NKAIN2: variants seen among roughly 807,000 people sequenced by gnomAD.
NKAIN2 encodes sodium/potassium transporting ATPase interacting 2.
A neutral mutation model predicts 32.6 loss-of-function variants in NKAIN2; 14 were observed. That is an observed-to-expected ratio of 0.43 (90% CI 0.28 to 0.67). The LOEUF (loss-of-function observed/expected upper bound fraction) is 0.67, where lower values mean the gene tolerates loss of function less well. Among genes scored for constraint, NKAIN2 ranks in the 30% least tolerant of loss-of-function variants. NKAIN2 has a pLI of 0.17. For missense variants in NKAIN2, 198 were observed against 258.3 expected (o/e 0.77, Z 1.60); for synonymous variants, 80 against 87.2 (o/e 0.92, Z 0.46).
intron 4 of NKAIN2, among the ~76,000 whole-genome samples, chr6:124,713,251 A>G (rs1304835160): frequency 1.3e-5 from 2 of 152,186 alleles, no homozygotes. Flanking sequence ...GGTCATAGCT[A>G]TCAAGTAGAG....
intron 1 of NKAIN2, among the ~76,000 whole-genome samples, chr6:123,895,771 A>C (rs2114392862): frequency 6.6e-6 from 1 of 152,336 alleles, no homozygotes; most frequent in East Asian, 1.9e-4. Context: ...TCCAGACTTC[A>C]TTTATAAAAG....
chr6:124,664,803 A>G (rs1772699345), intron 4 of NKAIN2, among the ~76,000 whole-genome samples: 1 of 139,126 alleles, frequency 7.2e-6, no homozygotes, highest in Non-Finnish European at 1.6e-5. Context: ...CAAAAAAAAA[A>G]AAAAAAAAAA....
chr6:124,659,427 CTA>C lies in NKAIN2; in HGVS notation c.474+1043_474+1044del, dbSNP rs1183281219. Among the ~76,000 whole-genome samples the C allele has an allele frequency of 2.2e-4, 33 of 151,268 alleles. 1 individual carries two copies. Among genetic ancestry groups the C allele is most frequent in the East Asian group, 1.8e-3 (9 of 5,142 alleles). ...ATTCTTCTGGAATTAAAAAAAAAAA[CTA>C]TGTGAGTGTGTCAGTGTTAGATGAT... On this transcript the variant is annotated intron_variant, in intron 4 of 6. Coordinates refer to ENST00000368417, the MANE Select transcript of NKAIN2 (RefSeq NM_001040214.3).
intron 3 of NKAIN2, among the ~76,000 whole-genome samples, chr6:124,380,558 G>A (rs1686650391): frequency 6.6e-6 from 1 of 152,124 alleles, no homozygotes. Context: ...GAAAAGCAAG[G>A]GCTGGAAGAA....
chr6:124,615,161 C>T (rs1186134818), intron 3 of NKAIN2, among the ~76,000 whole-genome samples: 1 of 152,146 alleles, frequency 6.6e-6, no homozygotes, highest in South Asian at 2.1e-4. Flanking sequence ...TCACATAAAA[C>T]GTTATCTTAC....
At chr6:124,751,819 T>TAAAG (rs1216949236) in intron 4 of NKAIN2, among the ~76,000 whole-genome samples, 3 of 147,756 alleles carry the variant, frequency 2.0e-5, no homozygotes, top group Non-Finnish European at 3.0e-5. Flanking sequence ...TCTCAATAAA[T>TAAAG]AAATAAATAA....
chr6:124,531,609 T>C (rs1310017890), intron 3 of NKAIN2, among the ~76,000 whole-genome samples: 1 of 152,198 alleles, frequency 6.6e-6, no homozygotes, highest in African/African-American at 2.4e-5. Context: ...CTGGAAGAAT[T>C]TGAGCTCACT....
intron 3 of NKAIN2, among the ~76,000 whole-genome samples, chr6:124,408,018 T>C (rs1195818139): frequency 2.0e-5 from 3 of 152,112 alleles, no homozygotes; most frequent in African/African-American, 7.2e-5. Flanking sequence ...CTGTTCATAT[T>C]ATTTGCCCAC....
At chr6:124,644,869 T>G (rs1784113750) in intron 3 of NKAIN2, among the ~76,000 whole-genome samples, 1 of 152,222 alleles carries the variant, frequency 6.6e-6, no homozygotes, top group Admixed American at 6.5e-5. Flanking sequence ...AAAAGGGGAC[T>G]TCAAGAAAAC....
intron 1 of NKAIN2, among the ~76,000 whole-genome samples, chr6:124,232,194 A>G (rs569942117): frequency 3.3e-5 from 5 of 152,242 alleles, no homozygotes; most frequent in African/African-American, 1.2e-4. Flanking sequence ...CTTTCTTGTG[A>G]CCCAGCTCAT....
At chr6:124,158,485 G>A (rs546606233) in intron 1 of NKAIN2, among the ~76,000 whole-genome samples, 8 of 152,272 alleles carry the variant, frequency 5.3e-5, no homozygotes, top group African/African-American at 1.9e-4. Flanking sequence ...AGAAAATTGT[G>A]TGGAATCAGA....
In NKAIN2 at chr6:124,706,385, AG is replaced by A. The variant is rs375569344; in HGVS notation, c.474+48002del. On this transcript the variant is annotated intron_variant, in intron 4 of 6. Transcript: ENST00000368417. ...TTCAAATCCAAGCCTATCTGATTAAAGGGCTCTTCATTGCTGTTATTATATA... is the reference window on the plus strand; with the variant it reads ...TTCAAATCCAAGCCTATCTGATTAAAGGCTCTTCATTGCTGTTATTATATA... 3.9e-3 allele frequency among the ~76,000 whole-genome samples: 591 copies of A among 152,272 alleles called. 3 individuals are homozygous for A. The highest frequency in any genetic ancestry group is 0.014 in the African/African-American group (563 of 41,564).
chr6:124,808,915 T>C (rs1202833112), intron 5 of NKAIN2, among the ~76,000 whole-genome samples: 5 of 152,056 alleles, frequency 3.3e-5, no homozygotes, highest in Non-Finnish European at 7.4e-5. Context: ...CCTGGGAATC[T>C]ACCTTACAAG....
chr6:123,892,098 TG>T (rs1489417757), intron 1 of NKAIN2, among the ~76,000 whole-genome samples: 1 of 152,028 alleles, frequency 6.6e-6, no homozygotes, highest in African/African-American at 2.4e-5. Flanking sequence ...AAAGAAAAAA[TG>T]GGGAGGTCCT....
At position 123,888,514 on chromosome 6, in the gene NKAIN2, A is replaced by G. The variant is rs147873095; in HGVS notation, c.54+84260A>G. ...ATAATGCTTAAGTTTGGTGTCTTAT[A>G]AATCAGCCTCTGTTAATATTGTATT... On this transcript the variant is annotated intron_variant, in intron 1 of 6. Coordinates refer to ENST00000368417, the MANE Select transcript of NKAIN2 (RefSeq NM_001040214.3). 8.9e-4 allele frequency among the ~76,000 whole-genome samples: 136 copies of G among 152,294 alleles called. 1 individual carries two copies. The highest frequency in any genetic ancestry group is 3.4e-3 in the Middle Eastern group (1 of 294).
intron 1 of NKAIN2, among the ~76,000 whole-genome samples, chr6:123,895,465 A>T (rs1774235397): frequency 6.6e-6 from 1 of 152,206 alleles, no homozygotes; most frequent in South Asian, 2.1e-4. Flanking sequence ...CAAAGAATCC[A>T]GCTAGCTTAG....
In NKAIN2 at chr6:124,070,018, G is replaced by A. The variant is rs543496510; in HGVS notation, c.55-212987G>A. Among the ~76,000 whole-genome samples the A allele has an allele frequency of 6.6e-5, 10 of 152,262 alleles. No homozygotes were observed. The South Asian group carries it at 2.1e-3, about 32-fold the overall frequency. On this transcript the variant is annotated intron_variant, in intron 1 of 6. Transcript: ENST00000368417. ...TTTAGGAAGCAGGAGAGCTATGAATGACTTATTTTAACCTTATTAATTAGT... is the reference window on the plus strand; with the variant it reads ...TTTAGGAAGCAGGAGAGCTATGAATAACTTATTTTAACCTTATTAATTAGT...
intron 2 of NKAIN2, among the ~76,000 whole-genome samples, chr6:124,342,625 A>G (rs1452772140): frequency 6.6e-6 from 1 of 151,654 alleles, no homozygotes; most frequent in Non-Finnish European, 1.5e-5. Flanking sequence ...TTCCCACCTC[A>G]GCCTCCTGAG....
chr6:123,841,910 A>G lies in NKAIN2; in HGVS notation c.54+37656A>G, dbSNP rs1006646259. Among the ~76,000 whole-genome samples, 8 of 152,290 alleles carry G rather than the reference A, an allele frequency of 5.3e-5. 1 individual carries two copies. In the East Asian group the frequency reaches 5.8e-4, roughly 11 times the overall value. ...ACTATAGGATGACTTACAGGATGAC[A>G]GGTGTAGGATGGTTTTCAAAAGTCG... On this transcript the variant is annotated intron_variant, in intron 1 of 6. Transcript: ENST00000368417.
Sources: allele counts gnomAD v4.1 joint callset (sites outside exome capture counted in the v4.1 genomes callset), GRCh38; gene constraint gnomAD v4.1.1; transcripts MANE v1.5; gene names NCBI Gene and HGNC (gene_info 2026-07-23, HGNC 2026-07-21).